The following TNIK variants were observed in gnomAD, a reference collection of about 807,000 sequenced individuals.
TNIK encodes the protein TRAF2 and NCK-interacting protein kinase.
In TNIK, 49 loss-of-function variants were observed where a neutral mutation model predicts 191.3. The observed-to-expected ratio is 0.26, with a 90% CI of 0.20 to 0.32. TNIK has a LOEUF of 0.32. Ranked by LOEUF, TNIK falls within the 10% of genes least tolerant of loss-of-function variation. TNIK has a pLI of 1.00. For synonymous variants in TNIK, 594 were observed against 600.9 expected, an observed-to-expected ratio of 0.99 and a Z score of 0.17; for missense variants, 1,155 against 1,702.3, an observed-to-expected ratio of 0.68 and a Z score of 5.66.
chr3:171,318,118 T>C (rs1754826948), intron 2 of TNIK, among the ~76,000 whole-genome samples: 1 of 152,154 alleles, frequency 6.6e-6, no homozygotes, highest in Non-Finnish European at 1.5e-5. Flanking sequence ...CTATGCTGCT[T>C]CTATACCTCA....
At chr3:171,386,292 C>A (rs1409539486) in intron 1 of TNIK, among the ~76,000 whole-genome samples, 1 of 152,150 alleles carries the variant, frequency 6.6e-6, no homozygotes, top group East Asian at 1.9e-4. Context: ...CCAGCTGGGT[C>A]CCAGAGAATC....
intron 2 of TNIK, among the ~76,000 whole-genome samples, chr3:171,308,233 A>G (rs1753667178): frequency 6.6e-6 from 1 of 152,170 alleles, no homozygotes; most frequent in Admixed American, 6.5e-5. Flanking sequence ...AGACATATAG[A>G]TGAATGAAAC....
At chr3:171,338,660 T>C (rs973550353) in intron 2 of TNIK, among the ~76,000 whole-genome samples, 1 of 60,686 alleles carries the variant, frequency 1.6e-5, no homozygotes, top group African/African-American at 6.1e-5. Flanking sequence ...AGCTAAGTTG[T>C]TTTTTTTTTT....
At chr3:171,386,775 G>C (rs1324516808) in intron 1 of TNIK, among the ~76,000 whole-genome samples, 2 of 152,116 alleles carry the variant, frequency 1.3e-5, no homozygotes, top group Non-Finnish European at 2.9e-5. Flanking sequence ...TTCACATCCA[G>C]TCACTTGCTA....
chr3:171,233,450 A>G (rs185342724), intron 2 of TNIK, among the ~76,000 whole-genome samples: 12 of 146,566 alleles, frequency 8.2e-5, no homozygotes, highest in Admixed American at 4.7e-4. Context: ...CTGTCTGTCT[A>G]TCTATCTATC....
At chr3:171,207,557 G>A (rs1740253425) in intron 4 of TNIK, among the ~76,000 whole-genome samples, 1 of 152,034 alleles carries the variant, frequency 6.6e-6, no homozygotes. Context: ...AAAAAAGTCA[G>A]GATACCCGTT....
At chr3:171,129,879 A>G (rs558601773) in intron 15 of TNIK, among the ~76,000 whole-genome samples, 9 of 152,350 alleles carry the variant, frequency 5.9e-5, no homozygotes, top group African/African-American at 2.2e-4. Flanking sequence ...AAGATCTTAG[A>G]CAACTTCAAG....
chr3:171,361,141 C>T (rs532367825), intron 2 of TNIK, among the ~76,000 whole-genome samples: 1 of 145,176 alleles, frequency 6.9e-6, no homozygotes, highest in Non-Finnish European at 1.5e-5. Flanking sequence ...AGCTCTCTAT[C>T]CTGGCTGTGC....
At chr3:171,421,009 G>A (rs6768803) in intron 1 of TNIK, among the ~76,000 whole-genome samples, 6,036 of 152,222 alleles carry the variant, frequency 0.04, 411 homozygotes, top group African/African-American at 0.14. Flanking sequence ...GTGGTTGACT[G>A]TGAGTAACTG....
At chr3:171,219,148 A>ATAAATATATAATTATAAATACATATTATC (rs1369560287) in intron 3 of TNIK, among the ~76,000 whole-genome samples, 1 of 120,160 alleles carries the variant, frequency 8.3e-6, no homozygotes, top group Non-Finnish European at 1.6e-5. Flanking sequence ...TATATATTAT[A>ATAAATATATAATTATAAATACATATTATC]AAATATATAA....
chr3:171,246,328 A>G (rs1745588817), intron 2 of TNIK, among the ~76,000 whole-genome samples: 1 of 152,236 alleles, frequency 6.6e-6, no homozygotes, highest in Non-Finnish European at 1.5e-5. Flanking sequence ...TCAAAACAAA[A>G]CAGATTCTAA....
chr3:171,159,925 G>A lies in TNIK; in HGVS notation c.1016+1345C>T, dbSNP rs902130931. 3.3e-5 allele frequency among the ~76,000 whole-genome samples: 5 copies of A among 152,184 alleles called. No homozygotes were observed. Among genetic ancestry groups the A allele is most frequent in the African/African-American group, 9.7e-5 (4 of 41,436 alleles). ...GGAAGTGTTAAGGTACGGCTGGGCTGGCTCGTTGAGTGACTCCTAATATGC... is the reference window on the plus strand; with the variant it reads ...GGAAGTGTTAAGGTACGGCTGGGCTAGCTCGTTGAGTGACTCCTAATATGC... On this transcript the variant is annotated intron_variant, in intron 11 of 32. Coordinates refer to ENST00000436636, the MANE Select transcript of TNIK (RefSeq NM_015028.4). This position sits in a 1 kb window ranked among gnomAD's most constrained non-coding sequence, Gnocchi z 4.1.
intron 1 of TNIK, among the ~76,000 whole-genome samples, chr3:171,400,844 C>T (rs761596632): frequency 2.6e-5 from 4 of 152,112 alleles, no homozygotes; most frequent in African/African-American, 7.2e-5. Flanking sequence ...ATCCCAAAAG[C>T]GTCCTTCGGA....
chr3:171,253,181 G>A lies in TNIK; in HGVS notation c.124-24960C>T, dbSNP rs1204753752. On this transcript the variant is annotated intron_variant, in intron 2 of 32. Coordinates refer to ENST00000436636, the MANE Select transcript of TNIK (RefSeq NM_015028.4). ...TGCCTATAGTCCCAGCTGCTTGGGA[G>A]GTTGAGGCAGGAGAATGGCGTGAAC... 2.0e-5 allele frequency among the ~76,000 whole-genome samples: 3 copies of A among 151,610 alleles called. No homozygotes were observed. The East Asian group carries it at 5.8e-4, about 29-fold the overall frequency.
chr3:171,356,309 T>C (rs1329531550), intron 2 of TNIK, among the ~76,000 whole-genome samples: 3 of 152,168 alleles, frequency 2.0e-5, no homozygotes, highest in Admixed American at 1.3e-4. Flanking sequence ...ATGTATTTTA[T>C]ATTGTAAAAT....
chr3:171,178,406 AT>A (rs1736223464), intron 7 of TNIK, among the ~76,000 whole-genome samples: 1 of 146,430 alleles, frequency 6.8e-6, no homozygotes. Context: ...ATAAACAATT[AT>A]TGCCTATTTT....
At chr3:171,190,992 A>C (rs1234078566) in intron 5 of TNIK, among the ~76,000 whole-genome samples, 1 of 152,210 alleles carries the variant, frequency 6.6e-6, no homozygotes, top group African/African-American at 2.4e-5. Context: ...CAGTCCTTGC[A>C]ATGCATGGTG....
chr3:171,430,647 C>CAAAAAA (rs34307433), intron 1 of TNIK, among the ~76,000 whole-genome samples: 6 of 113,944 alleles, frequency 5.3e-5, no homozygotes, highest in African/African-American at 9.7e-5. Flanking sequence ...AAAAAACAGA[C>CAAAAAA]AAAAAAAAAA....
At chr3:171,452,612 G>A (rs1054554106) in intron 1 of TNIK, among the ~76,000 whole-genome samples, 9 of 151,880 alleles carry the variant, frequency 5.9e-5, no homozygotes, top group Middle Eastern at 3.2e-3. Flanking sequence ...AAAACTCAAC[G>A]TTGTCTTCCA....
Sources: allele counts gnomAD v4.1 joint callset (sites outside exome capture counted in the v4.1 genomes callset), GRCh38; gene constraint gnomAD v4.1.1; non-coding constraint Gnocchi (gnomAD v3.1); transcripts MANE v1.5; gene names NCBI Gene and HGNC (gene_info 2026-07-23, HGNC 2026-07-21).